The following ZFYVE26 variants were observed in gnomAD, a reference collection of about 807,000 sequenced individuals.
ZFYVE26 encodes the protein zinc finger FYVE-type containing 26, also known as zinc finger FYVE domain-containing protein 26.
Under a neutral mutation model 276.5 loss-of-function variants are expected in ZFYVE26, and 181 were observed. The ratio of observed to expected loss-of-function variants is 0.65; its 90% confidence interval spans 0.58 to 0.74. The LOEUF (loss-of-function observed/expected upper bound fraction) is 0.74. Ranked by LOEUF, ZFYVE26 falls within the 30% of genes least tolerant of loss-of-function variation. The pLI, the probability that ZFYVE26 is intolerant of heterozygous loss-of-function variation, is 0.00. For missense variants in ZFYVE26, 2,821 were observed against 3,097.9 expected (o/e 0.91, Z 2.12); for synonymous variants, 1,129 against 1,203.1 (o/e 0.94, Z 1.27).
Position 67,752,467 on chromosome 14 carries a change from T to C in ZFYVE26, c.7248A>G (p.Lys2416=), listed in dbSNP as rs886050652. 27 of 1,614,056 alleles carry C rather than the reference T, an allele frequency of 1.7e-5. No homozygotes were observed. The highest frequency in any genetic ancestry group is 2.2e-5 in the Non-Finnish European group (26 of 1,180,036). Residue 2416 remains lysine, a synonymous_variant, in exon 40 of 42, where the codon AAA becomes AAG. Transcript: ENST00000347230. The part of the protein sequence containing the change: ...YCRAARQLVE[K]EKYSEIQQLL... ...GTTGCTGGATCTCACTGTACTTCTC[T>C]TTCTCCACCAACTGGCGGGCAGCTC...
At chr14:67,735,134 T>C in intron 13 of ZFYVE26, 1 of 825,006 alleles carries the variant, frequency 1.2e-6, no homozygotes, top group East Asian at 2.4e-5. Flanking sequence ...GGCATGGGTG[T>C]TGATTCGACA....
Position 67,797,556 on chromosome 14 carries a change from T to C in ZFYVE26, c.2332+116A>G. The C allele has an allele frequency of 3.5e-6, 4 of 1,149,734 alleles. No homozygotes were observed. In the South Asian group the frequency reaches 3.9e-5, roughly 11 times the overall value. The allele number at this position is 1,149,734 out of a possible 1,614,324, so 71.2% of individuals were successfully genotyped here. A position where few individuals can be genotyped will look rare whatever the true frequency, so the allele number is the denominator to read the frequency against. ...AAGGGTTACCTTGAGGGAGTGGGAA[T>C]AGGATAATTTTACAACGCTTTTGTT... On this transcript the variant is annotated intron_variant, in intron 12 of 41. Transcript: ENST00000347230.
At chr14:67,744,883 T>G (rs1000476598), downstream of ZFYVE26, among the ~76,000 whole-genome samples, 1 of 152,226 alleles carries the variant, frequency 6.6e-6, no homozygotes, top group Admixed American at 6.5e-5. Flanking sequence ...TATGTGTGCA[T>G]GTCTCTTTAT....
Position 67,748,465 on chromosome 14 carries a change from C to T in ZFYVE26, c.7591G>A (p.Gly2531Ser), listed in dbSNP as rs758850001. Residue 2531 changes from glycine to serine, a missense_variant, in exon 42 of 42, where the codon GGT becomes AGT. Transcript: ENST00000347230. The stretch of plus-strand genomic sequence containing the variant: ...TTCCTGGAGCCTGGGCCATGGGCAC[C>T]CCGGGGGTGGCTTGTCAGAAGCCAC... Reference protein sequence around the residue: ...AQWLLTSHPRGAHGPGSRK With the variant: ...AQWLLTSHPRSAHGPGSRK 22 of 1,612,600 alleles carry T rather than the reference C, an allele frequency of 1.4e-5. No individual in the cohort carries two copies. Among genetic ancestry groups the T allele is most frequent in the Non-Finnish European group, 1.7e-5 (20 of 1,179,898 alleles).
intron 18 of ZFYVE26, 98 bp from the exon 19 acceptor site, chr14:67,785,375 C>T (rs2039622221): frequency 9.0e-7 from 1 of 1,111,716 alleles, no homozygotes. Flanking sequence ...GCCCCCTATA[C>T]ACTGCCTGGG....
At chr14:67,766,118 A>G (rs2039049812) in intron 32 of ZFYVE26, 109 bp downstream of exon 32, 2 of 1,071,344 alleles carry the variant, frequency 1.9e-6, no homozygotes, top group Admixed American at 1.8e-5. Context: ...ATCTTTCAGC[A>G]TGTCTTGTCA....
Position 67,782,891 on chromosome 14 carries a change from A to G in ZFYVE26, c.4261T>C (p.Leu1421=), listed in dbSNP as rs759824450. Residue 1421 remains leucine, a synonymous_variant, in exon 21 of 42, where the codon TTG becomes CTG. Coordinates refer to ENST00000347230, the MANE Select transcript of ZFYVE26 (RefSeq NM_015346.4). ...DVLSEAFEES[L]VARDWSRALQ... ...GCCCGGGACCAATCTCTGGCCACCA[A>G]GGATTCCTCAAAAGCCTCACTCAGT... The G allele has an allele frequency of 1.2e-6, 2 of 1,614,218 alleles. No homozygotes were observed. Among genetic ancestry groups the G allele is most frequent in the Non-Finnish European group, 1.7e-6 (2 of 1,180,034 alleles).
At chr14:67,732,348 G>T (rs1183447823) in intron 13 of ZFYVE26, among the ~76,000 whole-genome samples, 1 of 150,160 alleles carries the variant, frequency 6.7e-6, no homozygotes, top group Non-Finnish European at 1.5e-5. Flanking sequence ...TAAGGTGGGA[G>T]GATGGCTTCA....
chr14:67,755,267 A>G lies in ZFYVE26; in HGVS notation c.6787-17T>C. ...AACTTGGTCCTAGAAGAGGAAAATA[A>G]ATGTTCAGGTCAAAGTAGATCAGGG... On this transcript the variant is annotated splice_polypyrimidine_tract_variant and intron_variant, in intron 36 of 41. Transcript: ENST00000347230. 6.2e-7 allele frequency: 1 copy of G among 1,613,950 alleles called. No individual in the cohort carries two copies. The highest frequency in any genetic ancestry group is 1.3e-5 in the African/African-American group (1 of 75,016).
At chr14:67,801,152 G>A (rs955262691) in intron 10 of ZFYVE26, among the ~76,000 whole-genome samples, 2 of 152,046 alleles carry the variant, frequency 1.3e-5, no homozygotes, top group African/African-American at 4.8e-5. Flanking sequence ...TCAGGTGGCT[G>A]AGGCAGGAGA....
At chr14:67,729,502 G>A in exon 14 of ZFYVE26, 3 of 939,322 alleles carry the variant, frequency 3.2e-6, no homozygotes, top group South Asian at 2.7e-5. Flanking sequence ...TTTGGGTTGG[G>A]CCTGCAAACA....
chr14:67,748,659 G>C lies in ZFYVE26; in HGVS notation c.7417-20C>G, dbSNP rs778924055. ...CCGAACCTGGCAGTCAGTTATAAGA[G>C]ACAGCGGAAAGGCATCCATCACCGA... On this transcript the variant is annotated intron_variant, in intron 41 of 41. Coordinates refer to ENST00000347230, the MANE Select transcript of ZFYVE26 (RefSeq NM_015346.4). 1.3e-5 allele frequency: 21 copies of C among 1,613,044 alleles called. No individual in the cohort carries two copies. The highest frequency in any genetic ancestry group is 1.7e-6 in the Non-Finnish European group (2 of 1,179,848).
At chr14:67,763,170 G>A (rs992880275) in intron 32 of ZFYVE26, among the ~76,000 whole-genome samples, 1 of 152,200 alleles carries the variant, frequency 6.6e-6, no homozygotes, top group Non-Finnish European at 1.5e-5. Context: ...CTCCCAAAGT[G>A]CTGGGATTAC....
In ZFYVE26 at chr14:67,770,110, T is replaced by C. The variant is rs1037652974; in HGVS notation, c.5485-380A>G. The C allele has an allele frequency of 5.6e-5, 17 of 303,680 alleles. 1 individual carries two copies. In the South Asian group the frequency reaches 5.6e-4, roughly 10 times the overall value. 18.8% of individuals were successfully genotyped at this position (303,680 alleles called of 1,614,324 possible). ...AAAAGTATCCCTTTCAAAATGCCTT[T>C]ATTTGTTTTCCCCAAGGTTATTTTA... On this transcript the variant is annotated intron_variant, in intron 28 of 41. Transcript: ENST00000347230.
At chr14:67,784,541 A>AT in intron 19 of ZFYVE26, 105 bp from the exon 20 acceptor site, 1 of 974,130 alleles carries the variant, frequency 1.0e-6, no homozygotes, top group South Asian at 1.3e-5. Context: ...GATGAAGACA[A>AT]TATGGAGAGC....
chr14:67,774,465 C>T (rs2039289498), intron 27 of ZFYVE26, among the ~76,000 whole-genome samples: 1 of 151,664 alleles, frequency 6.6e-6, no homozygotes, highest in Non-Finnish European at 1.5e-5. Flanking sequence ...TGCCACTGCA[C>T]TCCACCCTGA....
intron 10 of ZFYVE26, chr14:67,799,314 T>C: frequency 6.2e-7 from 1 of 1,613,432 alleles, no homozygotes; most frequent in Non-Finnish European, 8.5e-7. Flanking sequence ...AGGAATATTG[T>C]TCAGCAAGCT....
intron 13 of ZFYVE26, 72 bp from the exon 14 acceptor site, chr14:67,793,831 T>A: frequency 1.2e-5 from 19 of 1,598,448 alleles, no homozygotes; most frequent in Non-Finnish European, 1.6e-5. Flanking sequence ...TGCTGCCACC[T>A]CCCACCAAAC....
chr14:67,798,865 C>G (rs977002710), intron 10 of ZFYVE26: 2 of 856,856 alleles, frequency 2.3e-6, no homozygotes, highest in East Asian at 2.7e-5. Context: ...CGAGGCCAAC[C>G]GGGCCTCCCC....
Sources: allele counts gnomAD v4.1 joint callset (sites outside exome capture counted in the v4.1 genomes callset), GRCh38; gene constraint gnomAD v4.1.1; transcripts MANE v1.5; gene names NCBI Gene and HGNC (gene_info 2026-07-23, HGNC 2026-07-21).